TMEM87B: variants seen among roughly 807,000 people sequenced by gnomAD.
TMEM87B encodes transmembrane protein 87B.
A neutral mutation model predicts 80.3 loss-of-function variants in TMEM87B; 83 were observed. The ratio of observed to expected loss-of-function variants is 1.03; its 90% CI spans 0.87 to 1.24. TMEM87B has a LOEUF of 1.24. Among genes scored for constraint, TMEM87B ranks in the 50% most tolerant of loss-of-function variants. The probability of loss-of-function intolerance (pLI) is 0.00; values close to 1 mark genes in which losing one functional copy is unlikely to be tolerated. For missense variants in TMEM87B, 625 were observed against 674.4 expected, an observed-to-expected ratio of 0.93 and a Z score of 0.81; for synonymous variants, 219 against 230.5, an observed-to-expected ratio of 0.95 and a Z score of 0.45.
chr2:112,064,171 T>G lies in TMEM87B; in HGVS notation c.236T>G (p.Phe79Cys). Residue 79 changes from phenylalanine (F) to cysteine (C), a missense_variant, in exon 3 of 19, where the codon TTC becomes TGC. Coordinates refer to ENST00000283206, the MANE Select transcript of TMEM87B (RefSeq NM_032824.3). ...STDIKLSVKS[F>C]HCSGPVKFTI... is the part of the protein sequence containing the mutation. ...TTCTTTTTCTAAACAGTTAAGTCATTCCATTGTTCTGGGCCTGTGAAGTTT... is the reference window on the plus strand; with the variant it reads ...TTCTTTTTCTAAACAGTTAAGTCATGCCATTGTTCTGGGCCTGTGAAGTTT... 6.2e-7 allele frequency: 1 copy of G among 1,613,574 alleles called. No individual in the cohort carries two copies. Among genetic ancestry groups the G allele is most frequent in the Non-Finnish European group, 8.5e-7 (1 of 1,179,734 alleles).
chr2:112,110,633 A>C (rs1299688716), intron 17 of TMEM87B, among the ~76,000 whole-genome samples: 3 of 152,092 alleles, frequency 2.0e-5, no homozygotes, highest in African/African-American at 7.2e-5. Context: ...ATCAGTGCGC[A>C]TGAATTGTAG....
At chr2:112,059,337 C>G (rs1678175269) in intron 1 of TMEM87B, among the ~76,000 whole-genome samples, 1 of 151,654 alleles carries the variant, frequency 6.6e-6, no homozygotes, top group South Asian at 2.1e-4. Flanking sequence ...GGATATGGGC[C>G]ACAGTGGAAG....
chr2:112,055,399 C>G lies in TMEM87B; in HGVS notation c.-193C>G, dbSNP rs1421418572. 1.6e-6 allele frequency: 1 copy of G among 607,926 alleles called. No individual in the cohort carries two copies. The highest frequency in any genetic ancestry group is 2.0e-5 in the African/African-American group (1 of 50,636). 37.7% of individuals were successfully genotyped at this position (607,926 alleles called of 1,614,324 possible). Reference sequence around the variant, plus strand: ...CGGGCCCGGCTCAGAGCCCTAAGCCCTGCCTCCCGGTCCTGGCCGGGTTTC... The same window carrying G: ...CGGGCCCGGCTCAGAGCCCTAAGCCGTGCCTCCCGGTCCTGGCCGGGTTTC... On this transcript the variant is annotated 5_prime_UTR_variant, in exon 1 of 19. Transcript: ENST00000283206.
intron 18 of TMEM87B, 150 bp downstream of exon 18, chr2:112,113,079 A>G (rs960464950): frequency 2.8e-6 from 2 of 714,684 alleles, no homozygotes; most frequent in African/African-American, 3.6e-5. Flanking sequence ...GGTAAAGTTG[A>G]AAGGATTTAT....
intron 4 of TMEM87B, among the ~76,000 whole-genome samples, chr2:112,070,861 A>G (rs1234339112): frequency 1.0e-4 from 15 of 149,196 alleles, no homozygotes; most frequent in Admixed American, 8.8e-4. Context: ...TTGCTCTGTC[A>G]CCCAGGCTGG....
chr2:112,058,936 G>C (rs1678163648), intron 1 of TMEM87B, among the ~76,000 whole-genome samples: 1 of 152,224 alleles, frequency 6.6e-6, no homozygotes, highest in South Asian at 2.1e-4. Context: ...CTCCAGCCAA[G>C]GTGGACAATG....
At chr2:112,085,459 A>C (rs1679114281) in intron 8 of TMEM87B, among the ~76,000 whole-genome samples, 1 of 151,176 alleles carries the variant, frequency 6.6e-6, no homozygotes, top group Admixed American at 6.6e-5. Context: ...TGTAGATTAG[A>C]CTGGCCTTCT....
rs576529138 is a variant in TMEM87B, at chr2:112,092,013, C to T, written c.1104+230C>T. Among the ~76,000 whole-genome samples, 8 of 152,256 alleles carry T rather than the reference C, an allele frequency of 5.3e-5. No individual in the cohort carries two copies. In the East Asian group the frequency reaches 7.7e-4, roughly 15 times the overall value. On this transcript the variant is annotated intron_variant, in intron 11 of 18. Coordinates refer to ENST00000283206, the MANE Select transcript of TMEM87B (RefSeq NM_032824.3). ...ATTCTCAGTATGTGCCCCATACTGA[C>T]GAGGCATGGGTGAAAAAGATGTCCC... is the stretch of plus-strand genomic sequence containing the variant.
chr2:112,064,527 A>G (rs907604551), intron 3 of TMEM87B, among the ~76,000 whole-genome samples: 1 of 152,254 alleles, frequency 6.6e-6, no homozygotes, highest in Non-Finnish European at 1.5e-5. Flanking sequence ...ATAAATGCTT[A>G]ATTTGCAAAA....
intron 2 of TMEM87B, among the ~76,000 whole-genome samples, chr2:112,061,811 G>C (rs191545184): frequency 6.6e-6 from 1 of 152,296 alleles, no homozygotes; most frequent in East Asian, 1.9e-4. Flanking sequence ...AAGAGCAAAA[G>C]CATAATAAAA....
chr2:112,108,028 G>A (rs1025103877), intron 17 of TMEM87B, among the ~76,000 whole-genome samples, 188 bp downstream of exon 17: 5 of 152,098 alleles, frequency 3.3e-5, no homozygotes, highest in East Asian at 1.9e-4. Flanking sequence ...TGTTTTTCAC[G>A]ATACAGCAAC....
intron 4 of TMEM87B, among the ~76,000 whole-genome samples, chr2:112,067,350 G>A (rs1406662721): frequency 6.6e-6 from 1 of 152,214 alleles, no homozygotes; most frequent in Non-Finnish European, 1.5e-5. Flanking sequence ...GCTCACACCT[G>A]TAATCCCAGC....
chr2:112,112,426 A>G (rs375029273), intron 17 of TMEM87B, among the ~76,000 whole-genome samples: 1 of 152,216 alleles, frequency 6.6e-6, no homozygotes, highest in South Asian at 2.1e-4. Flanking sequence ...TAAATGGGTT[A>G]GGTCCGCAAT....
At chr2:112,057,178 G>A (rs2104449636) in intron 1 of TMEM87B, among the ~76,000 whole-genome samples, 1 of 152,302 alleles carries the variant, frequency 6.6e-6, no homozygotes, top group South Asian at 2.1e-4. Flanking sequence ...TCCCAAGAGT[G>A]GACTTATATT....
At chr2:112,059,765 G>A (rs1678187964) in intron 1 of TMEM87B, among the ~76,000 whole-genome samples, 1 of 152,194 alleles carries the variant, frequency 6.6e-6, no homozygotes, top group South Asian at 2.1e-4. Context: ...GAGTCTGCTA[G>A]AGGCCAGAGC....
Position 112,055,645 on chromosome 2 carries a change from C to T in TMEM87B, c.54C>T (p.Cys18=). 6.4e-7 allele frequency: 1 copy of T among 1,564,584 alleles called. No individual in the cohort carries two copies. Among genetic ancestry groups the T allele is most frequent in the Non-Finnish European group, 8.6e-7 (1 of 1,157,858 alleles). ...VAGLLPRRRR[C]FPARAPLLRV... is the part of the protein sequence containing the mutation. ...GGCTCCTGCCACGCCGCCGCCGCTG[C>T]TTTCCCGCCCGGGCCCCGCTGCTGC... is the stretch of plus-strand genomic sequence containing the variant. The change falls in exon 1 of 19, where the codon TGC becomes TGT. Residue 18 remains cysteine, a synonymous_variant. Transcript: ENST00000283206.
intron 15 of TMEM87B, among the ~76,000 whole-genome samples, chr2:112,103,909 A>G (rs1290954295): frequency 6.6e-6 from 1 of 152,218 alleles, no homozygotes; most frequent in East Asian, 1.9e-4. Context: ...GAAATCCATC[A>G]AGGTAGTAAA....
chr2:112,078,301 C>T (rs1246577614), intron 6 of TMEM87B, among the ~76,000 whole-genome samples: 1 of 152,162 alleles, frequency 6.6e-6, no homozygotes, highest in Non-Finnish European at 1.5e-5. Flanking sequence ...GATCAAGGTG[C>T]CACCAAGTTT....
At chr2:112,088,883 C>T (rs755639689) in intron 9 of TMEM87B, among the ~76,000 whole-genome samples, 2 of 152,072 alleles carry the variant, frequency 1.3e-5, no homozygotes, top group Non-Finnish European at 2.9e-5. Flanking sequence ...CTCAACCTCC[C>T]AAGTAGCTGG....
Sources: allele counts gnomAD v4.1 joint callset (sites outside exome capture counted in the v4.1 genomes callset), GRCh38; gene constraint gnomAD v4.1.1; transcripts MANE v1.5; gene names NCBI Gene and HGNC (gene_info 2026-07-23, HGNC 2026-07-21).